Variants in AFG1L observed in about 807,000 individuals in gnomAD.
AFG1L encodes the protein AFG1-like ATPase.
Under a neutral mutation model 62.2 loss-of-function variants are expected in AFG1L, and 53 were observed. That is an observed-to-expected ratio of 0.85 (90% CI 0.68 to 1.07). AFG1L has a LOEUF of 1.07. Ranked by LOEUF, AFG1L falls within the 50% of genes least tolerant of loss-of-function variation. The pLI, the probability that AFG1L is intolerant of heterozygous loss-of-function variation, is 0.00. For missense variants in AFG1L, 555 were observed against 590.5 expected (o/e 0.94, Z 0.62); for synonymous variants, 228 against 210.3 (o/e 1.08, Z -0.73).
chr6:108,331,812 A>G (rs1033107303), intron 2 of AFG1L, among the ~76,000 whole-genome samples: 2 of 152,122 alleles, frequency 1.3e-5, no homozygotes, highest in Non-Finnish European at 2.9e-5. Flanking sequence ...GAAAATCTCT[A>G]TTTCCATTAA....
chr6:108,363,520 T>A (rs1194385341), intron 5 of AFG1L, among the ~76,000 whole-genome samples: 1 of 152,186 alleles, frequency 6.6e-6, no homozygotes, highest in Non-Finnish European at 1.5e-5. Context: ...AAATAAATAA[T>A]AGCTTATCTT....
At chr6:108,377,719 T>G (rs1780308747) in intron 6 of AFG1L, among the ~76,000 whole-genome samples, 1 of 152,116 alleles carries the variant, frequency 6.6e-6, no homozygotes, top group South Asian at 2.1e-4. Context: ...TGACTATATA[T>G]GTCTTGGTGA....
At chr6:108,463,857 A>T (rs1006971789) in intron 8 of AFG1L, among the ~76,000 whole-genome samples, 1 of 152,220 alleles carries the variant, frequency 6.6e-6, no homozygotes, top group African/African-American at 2.4e-5. Flanking sequence ...TCTGTTTTAT[A>T]TTAAGGCAAG....
chr6:108,522,664 A>C lies in AFG1L; in HGVS notation c.*239A>C. On this transcript the variant is annotated 3_prime_UTR_variant, in exon 13 of 13. Coordinates refer to ENST00000368977, the MANE Select transcript of AFG1L (RefSeq NM_145315.5). ...TGCACCATGAAATTAAAATCATCTC[A>C]TTCCTGAAGATGAATGTAGGACCAG... is the stretch of plus-strand genomic sequence containing the variant. 3.4e-6 allele frequency: 1 copy of C among 297,222 alleles called. No homozygotes were observed. The highest frequency in any genetic ancestry group is 5.9e-5 in the South Asian group (1 of 16,864). 18.4% of individuals were successfully genotyped at this position (297,222 alleles called of 1,614,324 possible).
intron 8 of AFG1L, among the ~76,000 whole-genome samples, chr6:108,453,055 T>G (rs928456624): frequency 6.6e-6 from 1 of 152,190 alleles, no homozygotes; most frequent in East Asian, 1.9e-4. Flanking sequence ...ACAGGGGGCA[T>G]TTACCGGACA....
chr6:108,524,313 T>G lies in AFG1L; in HGVS notation c.*1888T>G, dbSNP rs922664918. On this transcript the variant is annotated 3_prime_UTR_variant, in exon 13 of 13. Transcript: ENST00000368977. Reference sequence around the variant, plus strand: ...TGTATCTTAATTTTTAAAAAAATCATGTGAATGGACAGACAGATAGATGGA... The same window carrying G: ...TGTATCTTAATTTTTAAAAAAATCAGGTGAATGGACAGACAGATAGATGGA... 9 of 152,336 alleles carry G rather than the reference T, an allele frequency of 5.9e-5. No individual in the cohort carries two copies. Among genetic ancestry groups the G allele is most frequent in the Non-Finnish European group, 1.3e-4 (9 of 68,036 alleles). The allele number at this position is 152,336 out of a possible 1,614,324, so 9.4% of individuals were successfully genotyped here. A position where few individuals can be genotyped will look rare whatever the true frequency, so the allele number is the denominator to read the frequency against.
Position 108,402,031 on chromosome 6 carries a change from G to C in AFG1L, c.784G>C (p.Val262Leu). The C allele has an allele frequency of 6.6e-7, 1 of 1,518,120 alleles. No homozygotes were observed. The highest frequency in any genetic ancestry group is 8.9e-7 in the Non-Finnish European group (1 of 1,127,318). 94.0% of individuals were successfully genotyped at this position (1,518,120 alleles called of 1,614,324 possible). A position where few individuals can be genotyped will look rare whatever the true frequency, so the allele number is the denominator to read the frequency against. The change falls in exon 7 of 13, where the codon GTA becomes CTA. Residue 262 changes from valine to leucine, a missense_variant. Val to Leu is a conservative substitution (Grantham distance 32). Transcript: ENST00000368977. ...YKNGLQRANF[V>L]PFIAVLKEYC... ...AAATGGACTCCAAAGAGCTAACTTT[G>C]TACCATTCATAGCAGTCTTGAAGGT...
At chr6:108,365,505 T>TTTTTTTTA (rs1779722179) in intron 5 of AFG1L, among the ~76,000 whole-genome samples, 1 of 150,258 alleles carries the variant, frequency 6.7e-6, no homozygotes. Flanking sequence ...TTTTTTTTTT[T>TTTTTTTTA]TGGTAGAAGG....
At chr6:108,334,556 AAAC>A (rs1272542992) in intron 2 of AFG1L, among the ~76,000 whole-genome samples, 1 of 103,610 alleles carries the variant, frequency 9.7e-6, no homozygotes, top group Admixed American at 1.1e-4. Flanking sequence ...ATTAAAAAAA[AAAC>A]AAATAGACTG....
intron 7 of AFG1L, among the ~76,000 whole-genome samples, chr6:108,433,416 A>G (rs1330917528): frequency 6.6e-6 from 1 of 150,612 alleles, no homozygotes; most frequent in East Asian, 2.0e-4. Flanking sequence ...AGTAGCTGGT[A>G]CTGCAGGCAT....
chr6:108,374,453 G>T (rs1444347789), intron 6 of AFG1L, among the ~76,000 whole-genome samples: 1 of 152,078 alleles, frequency 6.6e-6, no homozygotes, highest in East Asian at 1.9e-4. Flanking sequence ...TTTCATCTAG[G>T]ATTCTTATAG....
intron 12 of AFG1L, 179 bp from the exon 13 acceptor site, chr6:108,522,118 T>C: frequency 2.1e-6 from 1 of 470,834 alleles, no homozygotes; most frequent in Non-Finnish European, 3.8e-6. Flanking sequence ...TTACTGCCTA[T>C]CAGTTTAAAT....
chr6:108,383,164 C>T (rs576209082), intron 6 of AFG1L, among the ~76,000 whole-genome samples: 3 of 152,170 alleles, frequency 2.0e-5, no homozygotes, highest in South Asian at 2.1e-4. Flanking sequence ...ACCCAGGAGG[C>T]GGAGGTTGCA....
chr6:108,343,593 C>T lies in AFG1L; in HGVS notation c.364-3395C>T, dbSNP rs899841581. On this transcript the variant is annotated intron_variant, in intron 2 of 12. Transcript: ENST00000368977. ...AAATATTTCACATACATAGAATATA[C>T]TTAGAGATTATTAGGTTTTATGCAA... 2.0e-5 allele frequency among the ~76,000 whole-genome samples: 3 copies of T among 152,132 alleles called. No individual in the cohort carries two copies. In the South Asian group the frequency reaches 6.2e-4, roughly 31 times the overall value.
Position 108,521,969 on chromosome 6 carries a change from G to A in AFG1L, c.1318-328G>A, listed in dbSNP as rs552145626. ...TTAGGGCCTCCCCCTTAGGCACTGG[G>A]ACCCTGTCTGGAGGCCTACACCAGC... On this transcript the variant is annotated intron_variant, in intron 12 of 12. Coordinates refer to ENST00000368977, the MANE Select transcript of AFG1L (RefSeq NM_145315.5). 38 of 194,082 alleles carry A rather than the reference G, an allele frequency of 2.0e-4. No homozygotes were observed. The South Asian group carries it at 3.2e-3, about 16-fold the overall frequency. The allele number at this position is 194,082 out of a possible 1,614,324, so 12.0% of individuals were successfully genotyped here.
chr6:108,453,581 T>A (rs1420044388), intron 8 of AFG1L, among the ~76,000 whole-genome samples: 1 of 152,266 alleles, frequency 6.6e-6, no homozygotes. Context: ...TAAAACATAC[T>A]TCCCCATAAT....
chr6:108,492,319 G>A (rs1459802757), intron 10 of AFG1L, among the ~76,000 whole-genome samples: 1 of 152,192 alleles, frequency 6.6e-6, no homozygotes, highest in African/African-American at 2.4e-5. Context: ...CCAAGGAGAT[G>A]TAGCAAATAC....
At chr6:108,300,324 G>A (rs562173877) in intron 1 of AFG1L, among the ~76,000 whole-genome samples, 84 of 152,096 alleles carry the variant, frequency 5.5e-4, no homozygotes, top group African/African-American at 1.9e-3. Context: ...TAATTTTTTT[G>A]TATTTTTAGT....
At chr6:108,450,594 T>A (rs998514530) in intron 8 of AFG1L, among the ~76,000 whole-genome samples, 20 of 152,356 alleles carry the variant, frequency 1.3e-4, no homozygotes, top group Non-Finnish European at 2.4e-4. Context: ...GCAGAAGCGC[T>A]TTAGTTTAAT....
Sources: gnomAD v4.1 joint callset for allele counts (sites outside exome capture counted in the v4.1 genomes callset) on GRCh38, gnomAD v4.1.1 for gene constraint, MANE v1.5 for transcripts, NCBI Gene and HGNC (gene_info 2026-07-23, HGNC 2026-07-21) for gene names.